UTRN: variants seen among roughly 807,000 people sequenced by gnomAD.
UTRN encodes the protein utrophin, also known as dystrophin-related protein 1.
Under a neutral mutation model 463.9 loss-of-function variants are expected in UTRN, and 283 were observed. That is an observed-to-expected ratio of 0.61 (90% CI 0.55 to 0.67). The LOEUF is 0.67. UTRN is among the 30% of genes least tolerant of loss of function. The pLI, the probability that UTRN is intolerant of heterozygous loss-of-function variation, is 0.00. For synonymous variants in UTRN, 1,442 were observed against 1,431.5 expected (o/e 1.01, Z -0.17); for missense variants, 3,922 against 4,084.3 (o/e 0.96, Z 1.08).
rs561495582 is a variant in UTRN, at chr6:144,286,988, G to A, written c.-93+1167G>A. ...GCCGCGGCCAGAGCGCGCGGAGCTC[G>A]GGGGAGGCCGGATTCCCTAGGTCTG... On this transcript the variant is annotated intron_variant, in intron 1 of 74. Coordinates refer to ENST00000367545, the MANE Select transcript of UTRN (RefSeq NM_007124.3). This position sits in a 1 kb window ranked among gnomAD's most constrained non-coding sequence, Gnocchi z 4.4. Among the ~76,000 whole-genome samples, 2 of 152,150 alleles carry A rather than the reference G, an allele frequency of 1.3e-5. No individual in the cohort carries two copies. Among genetic ancestry groups the A allele is most frequent in the African/African-American group, 4.8e-5 (2 of 41,434 alleles).
intron 50 of UTRN, among the ~76,000 whole-genome samples, chr6:144,571,280 C>T (rs1441527492): frequency 6.6e-6 from 1 of 151,572 alleles, no homozygotes; most frequent in Non-Finnish European, 1.5e-5. Flanking sequence ...AAGGATAAAA[C>T]ACCACCAACA....
At chr6:144,472,278 C>T (rs934280101) in intron 23 of UTRN, among the ~76,000 whole-genome samples, 2 of 151,802 alleles carry the variant, frequency 1.3e-5, no homozygotes, top group African/African-American at 2.4e-5. Flanking sequence ...TAGGCCTTGC[C>T]CAGACTCATT....
At chr6:144,779,577 A>AG (rs1775635311) in intron 60 of UTRN, among the ~76,000 whole-genome samples, 2 of 152,112 alleles carry the variant, frequency 1.3e-5, no homozygotes, top group African/African-American at 4.8e-5. Flanking sequence ...GATTAATCTG[A>AG]GGGGGAGGAA....
At chr6:144,576,935 A>T (rs1801495227) in intron 50 of UTRN, among the ~76,000 whole-genome samples, 164 bp from the exon 51 acceptor site, 1 of 152,166 alleles carries the variant, frequency 6.6e-6, no homozygotes, top group South Asian at 2.1e-4. Context: ...TCCACTAAGG[A>T]TTATTCAAGA....
chr6:144,804,171 G>T (rs1428761804), intron 65 of UTRN, among the ~76,000 whole-genome samples: 1 of 152,068 alleles, frequency 6.6e-6, no homozygotes, highest in Non-Finnish European at 1.5e-5. Context: ...TGACAGAAAG[G>T]CTGTAATACT....
At chr6:144,512,731 G>A (rs2128591251) in intron 35 of UTRN, among the ~76,000 whole-genome samples, 1 of 151,648 alleles carries the variant, frequency 6.6e-6, no homozygotes, top group Non-Finnish European at 1.5e-5. Flanking sequence ...TGTAGAGAGG[G>A]GGTTTCACCA....
chr6:144,832,293 ATGAT>A (rs1442734391), intron 69 of UTRN, among the ~76,000 whole-genome samples: 7 of 152,230 alleles, frequency 4.6e-5, no homozygotes, highest in African/African-American at 1.7e-4. Flanking sequence ...TTTTATATAA[ATGAT>A]TGTTAAATTC....
intron 54 of UTRN, among the ~76,000 whole-genome samples, chr6:144,736,434 T>G (rs1306054991): frequency 6.6e-6 from 1 of 152,214 alleles, no homozygotes; most frequent in Non-Finnish European, 1.5e-5. Flanking sequence ...TCCATGATTT[T>G]TATCTCCAAT....
chr6:144,830,346 T>A (rs1780561155), intron 69 of UTRN, among the ~76,000 whole-genome samples: 1 of 152,150 alleles, frequency 6.6e-6, no homozygotes, highest in African/African-American at 2.4e-5. Flanking sequence ...CAACAGACAG[T>A]TGTTATTAAT....
chr6:144,334,229 TGCTG>T (rs1776542323), intron 2 of UTRN, among the ~76,000 whole-genome samples: 1 of 151,518 alleles, frequency 6.6e-6, no homozygotes, highest in East Asian at 1.9e-4. Flanking sequence ...CTGCACCTGT[TGCTG>T]GCTATTCTTG....
At chr6:144,595,480 G>A (rs191091815) in intron 51 of UTRN, among the ~76,000 whole-genome samples, 1 of 152,262 alleles carries the variant, frequency 6.6e-6, no homozygotes, top group Non-Finnish European at 1.5e-5. Context: ...TGCAGGGTCA[G>A]TTCATTTTTC....
At chr6:144,480,263 A>G (rs1459085705) in intron 26 of UTRN, among the ~76,000 whole-genome samples, 1 of 152,198 alleles carries the variant, frequency 6.6e-6, no homozygotes, top group Non-Finnish European at 1.5e-5. Context: ...GAATGACTTA[A>G]AAACCTCTGG....
chr6:144,674,583 G>T (rs1313687067), intron 51 of UTRN, among the ~76,000 whole-genome samples: 1 of 151,640 alleles, frequency 6.6e-6, no homozygotes, highest in Non-Finnish European at 1.5e-5. Context: ...TTGAGATGAG[G>T]TCTCCCTCTG....
intron 2 of UTRN, among the ~76,000 whole-genome samples, chr6:144,328,692 T>G (rs1041730643): frequency 2.0e-5 from 3 of 152,176 alleles, no homozygotes; most frequent in Non-Finnish European, 2.9e-5. Flanking sequence ...TTATATCTCA[T>G]GATAGTGATC....
chr6:144,824,419 T>C lies in UTRN; in HGVS notation c.9495-2929T>C, dbSNP rs200512413. ...TATATAAAACCATTATATATATATA[T>C]ACACACACACACATTGTATATATAT... On this transcript the variant is annotated intron_variant, in intron 66 of 74. Transcript: ENST00000367545. Among the ~76,000 whole-genome samples, 273 of 56,668 alleles carry C rather than the reference T, an allele frequency of 4.8e-3. 3 individuals carry two copies. Among genetic ancestry groups the C allele is most frequent in the African/African-American group, 0.023 (234 of 10,280 alleles). The allele number at this position is 56,668 out of a possible 152,430, so 37.2% of individuals were successfully genotyped here.
chr6:144,744,476 T>G (rs754229448), intron 54 of UTRN, among the ~76,000 whole-genome samples: 1 of 148,342 alleles, frequency 6.7e-6, no homozygotes, highest in Non-Finnish European at 1.5e-5. Context: ...CTTATGTATA[T>G]TATACATAAA....
At chr6:144,690,501 G>A (rs1017092837) in intron 52 of UTRN, among the ~76,000 whole-genome samples, 8 of 152,240 alleles carry the variant, frequency 5.3e-5, no homozygotes, top group African/African-American at 1.7e-4. Context: ...AGGGCTTTCA[G>A]GCCATGCCCA....
intron 55 of UTRN, among the ~76,000 whole-genome samples, chr6:144,750,801 T>C (rs1562861122): frequency 6.6e-6 from 1 of 152,196 alleles, no homozygotes; most frequent in Non-Finnish European, 1.5e-5. Flanking sequence ...AGTTCTGTGC[T>C]GAATAGTGAG....
chr6:144,585,844 CTTTAAG>C (rs1483336182), intron 51 of UTRN, among the ~76,000 whole-genome samples: 1 of 151,896 alleles, frequency 6.6e-6, no homozygotes, highest in African/African-American at 2.4e-5. Flanking sequence ...GAAAAAAATG[CTTTAAG>C]TTTGTGTATC....
Sources: allele counts gnomAD v4.1 joint callset (sites outside exome capture counted in the v4.1 genomes callset), GRCh38; gene constraint gnomAD v4.1.1; non-coding constraint Gnocchi (gnomAD v3.1); transcripts MANE v1.5; gene names NCBI Gene and HGNC (gene_info 2026-07-23, HGNC 2026-07-21).